Variants in TGFA observed in about 807,000 individuals in gnomAD.
TGFA encodes transforming growth factor alpha.
A neutral mutation model predicts 21.7 loss-of-function variants in TGFA; 12 were observed. The observed-to-expected ratio is 0.55, with a 90% CI of 0.35 to 0.90. The LOEUF is 0.90. Ranked by LOEUF, TGFA falls within the 40% of genes least tolerant of loss-of-function variation. TGFA has a pLI of 0.01. For synonymous variants in TGFA, 79 were observed against 88.1 expected, an observed-to-expected ratio of 0.90 and a Z score of 0.58; for missense variants, 178 against 210.8, an observed-to-expected ratio of 0.84 and a Z score of 0.96.
intron 1 of TGFA, among the ~76,000 whole-genome samples, chr2:70,518,158 A>C (rs1222015989): frequency 2.0e-5 from 3 of 152,240 alleles, no homozygotes; most frequent in Non-Finnish European, 4.4e-5. Context: ...TAAGTTTCAA[A>C]GCAGGTCCTT....
At chr2:70,548,391 T>C (rs1030848930) in intron 1 of TGFA, among the ~76,000 whole-genome samples, 3 of 152,226 alleles carry the variant, frequency 2.0e-5, no homozygotes, top group Non-Finnish European at 4.4e-5. Flanking sequence ...GCCAGGGCTC[T>C]GCTACCGGGG....
chr2:70,476,063 G>T lies in TGFA; in HGVS notation c.95-10327C>A, dbSNP rs925667292. On this transcript the variant is annotated intron_variant, in intron 2 of 5. Transcript: ENST00000295400. ...TGCTTCTTCTATCCCTACTACCTTGGTCTTAGTAATTTTAAGCAAAAAAAA... is the reference window on the plus strand; with the variant it reads ...TGCTTCTTCTATCCCTACTACCTTGTTCTTAGTAATTTTAAGCAAAAAAAA... Among the ~76,000 whole-genome samples the T allele has an allele frequency of 3.8e-5, 4 of 105,526 alleles. No homozygotes were observed. In the South Asian group the frequency reaches 1.0e-3, roughly 27 times the overall value. The allele number at this position is 105,526 out of a possible 152,430, so 69.2% of individuals were successfully genotyped here.
At chr2:70,484,752 T>G (rs1255053740) in intron 2 of TGFA, among the ~76,000 whole-genome samples, 3 of 152,232 alleles carry the variant, frequency 2.0e-5, no homozygotes, top group East Asian at 3.8e-4. Context: ...CCTGGCTTCC[T>G]GGAGTCATCT....
intron 2 of TGFA, among the ~76,000 whole-genome samples, chr2:70,487,168 G>A (rs7557534): frequency 0.062 from 9,363 of 152,224 alleles, 354 homozygotes; most frequent in Middle Eastern, 0.13. Flanking sequence ...CTCAAAGCAT[G>A]CAAAAGCCAT....
At chr2:70,479,919 AT>A (rs2103749950) in intron 2 of TGFA, among the ~76,000 whole-genome samples, 2 of 152,346 alleles carry the variant, frequency 1.3e-5, no homozygotes, top group South Asian at 4.1e-4. Context: ...TCCTCAAAAA[AT>A]CTTCTCATAT....
At chr2:70,461,621 C>T (rs1553491472) in intron 3 of TGFA, 1 of 152,210 alleles carries the variant, frequency 6.6e-6, no homozygotes, top group African/African-American at 2.4e-5. Flanking sequence ...CAGGGGTAAA[C>T]TTGTCACCTG....
rs541466707 is a variant in TGFA, at chr2:70,483,472, T to C, written c.95-17736A>G. Among the ~76,000 whole-genome samples the C allele has an allele frequency of 5.3e-5, 8 of 152,380 alleles. No individual in the cohort carries two copies. In the South Asian group the frequency reaches 1.7e-3, roughly 32 times the overall value. On this transcript the variant is annotated intron_variant, in intron 2 of 5. Transcript: ENST00000295400. ...AAGTAAAATTCATCTGTACCTGTGA[T>C]GAGTAAACTCATCTGTGGTATTAGG...
chr2:70,482,774 G>A (rs936851217), intron 2 of TGFA, among the ~76,000 whole-genome samples: 16 of 151,860 alleles, frequency 1.1e-4, no homozygotes, highest in Admixed American at 6.6e-4. Flanking sequence ...ATCATTCTGG[G>A]CACTGTGTTG....
intron 2 of TGFA, among the ~76,000 whole-genome samples, chr2:70,481,145 A>G (rs1671108119): frequency 6.6e-6 from 1 of 152,110 alleles, no homozygotes; most frequent in South Asian, 2.1e-4. Flanking sequence ...ATTTCACAAA[A>G]TTCTCCCCTA....
intron 1 of TGFA, among the ~76,000 whole-genome samples, chr2:70,529,611 A>C (rs1198085864): frequency 6.6e-6 from 1 of 151,600 alleles, no homozygotes; most frequent in Non-Finnish European, 1.5e-5. Flanking sequence ...GTCCTAGAAA[A>C]GAGCAGGTGG....
intron 2 of TGFA, among the ~76,000 whole-genome samples, chr2:70,512,592 A>G (rs1318944231): frequency 6.6e-6 from 1 of 152,224 alleles, no homozygotes; most frequent in African/African-American, 2.4e-5. Context: ...TTCAGGAAGA[A>G]AAGATGGAAC....
chr2:70,471,180 G>A (rs1670737783), intron 2 of TGFA, among the ~76,000 whole-genome samples: 2 of 150,318 alleles, frequency 1.3e-5, no homozygotes, highest in Admixed American at 1.3e-4. Flanking sequence ...TTTGCGCAGG[G>A]TGCTGTCCTG....
At chr2:70,512,191 T>C (rs1553501033) in intron 2 of TGFA, among the ~76,000 whole-genome samples, 2 of 152,120 alleles carry the variant, frequency 1.3e-5, no homozygotes, top group East Asian at 1.9e-4. Flanking sequence ...CTTGGACTTT[T>C]CTCCTGGCCC....
intron 4 of TGFA, among the ~76,000 whole-genome samples, chr2:70,454,839 A>T (rs1316731994): frequency 2.6e-5 from 4 of 152,188 alleles, no homozygotes; most frequent in African/African-American, 9.7e-5. Flanking sequence ...CACCTAGATC[A>T]TTCCTGTTTC....
intron 2 of TGFA, among the ~76,000 whole-genome samples, chr2:70,505,177 T>C (rs1330338982): frequency 2.0e-5 from 3 of 152,228 alleles, no homozygotes; most frequent in Non-Finnish European, 2.9e-5. Context: ...ATTATGTTTA[T>C]TAACTCATTT....
At chr2:70,491,772 T>C (rs1455354050) in intron 2 of TGFA, among the ~76,000 whole-genome samples, 1 of 152,146 alleles carries the variant, frequency 6.6e-6, no homozygotes, top group East Asian at 1.9e-4. Flanking sequence ...AAGGCTCACA[T>C]ATGGCTTCCC....
At chr2:70,504,433 AATATATATATATATATATAT>A (rs200901290) in intron 2 of TGFA, among the ~76,000 whole-genome samples, 6 of 62,444 alleles carry the variant, frequency 9.6e-5, no homozygotes, top group African/African-American at 3.5e-4. Context: ...AAACAAAACA[AATATATATATATATATATAT>A]ATATATATAT....
chr2:70,467,999 G>A (rs1376635370), intron 2 of TGFA, among the ~76,000 whole-genome samples: 3 of 152,152 alleles, frequency 2.0e-5, no homozygotes, highest in East Asian at 3.9e-4. Context: ...ACAAGACAGC[G>A]GGTCCCCCTG....
Position 70,546,344 on chromosome 2 carries a change from A to AC in TGFA, c.40+7383dup, listed in dbSNP as rs1333461475. 3.9e-5 allele frequency among the ~76,000 whole-genome samples: 6 copies of AC among 152,282 alleles called. 1 individual carries two copies. Among genetic ancestry groups the AC allele is most frequent in the Admixed American group, 2.0e-4 (3 of 15,306 alleles). On this transcript the variant is annotated intron_variant, in intron 1 of 5. Transcript: ENST00000295400. ...AACTTTTATTTTTAGATTCAGGGGT[A>AC]CATGTGCAGGTTTGTTACATGGGTA...
Sources: allele counts gnomAD v4.1 joint callset (sites outside exome capture counted in the v4.1 genomes callset), GRCh38; gene constraint gnomAD v4.1.1; transcripts MANE v1.5; gene names NCBI Gene and HGNC (gene_info 2026-07-23, HGNC 2026-07-21).